Variants in SETD4 observed in about 807,000 individuals in gnomAD.
SETD4 encodes SET domain-containing protein 4.
SETD4 carries 46 observed loss-of-function variants against 58.3 expected under a neutral mutation model. The ratio of observed to expected loss-of-function variants is 0.79; its 90% CI spans 0.62 to 1.01. SETD4 has a LOEUF of 1.01. Among genes scored for constraint, SETD4 ranks in the 50% least tolerant of loss-of-function variants. The pLI is 0.00. For missense variants in SETD4, 490 were observed against 523.3 expected (o/e 0.94, Z 0.62); for synonymous variants, 190 against 202.6 (o/e 0.94, Z 0.53).
At chr21:36,053,653 C>G (rs367831332) in intron 3 of SETD4, 33 bp from the exon 4 acceptor site, 118 of 1,608,328 alleles carry the variant, frequency 7.3e-5, no homozygotes, top group Non-Finnish European at 9.8e-5. Flanking sequence ...AGAGTAAATC[C>G]TACCATAACT....
chr21:36,035,418 A>T lies in SETD4; in HGVS notation c.*575T>A, dbSNP rs1208848094. On this transcript the variant is annotated 3_prime_UTR_variant, in exon 12 of 12. Coordinates refer to ENST00000332131, the MANE Select transcript of SETD4 (RefSeq NM_017438.5). Reference sequence around the variant, plus strand: ...ACAAAGCAGAAAGAGCCGCTGGCTGAGCTAGTCATTCTTCCCAAGTGAATA... The same window carrying T: ...ACAAAGCAGAAAGAGCCGCTGGCTGTGCTAGTCATTCTTCCCAAGTGAATA... 1 of 152,628 alleles carries T rather than the reference A, an allele frequency of 6.6e-6. No individual in the cohort carries two copies. Among genetic ancestry groups the T allele is most frequent in the Non-Finnish European group, 1.5e-5 (1 of 68,346 alleles). The allele number at this position is 152,628 out of a possible 1,614,324, so 9.5% of individuals were successfully genotyped here. A position where few individuals can be genotyped will look rare whatever the true frequency, so the allele number is the denominator to read the frequency against.
In SETD4 at chr21:36,036,190, A is replaced by G; in HGVS notation, c.1250T>C (p.Leu417Ser). The G allele has an allele frequency of 6.2e-7, 1 of 1,613,826 alleles. No homozygotes were observed. The highest frequency in any genetic ancestry group is 8.5e-7 in the Non-Finnish European group (1 of 1,179,946). Residue 417 changes from leucine to serine, a missense_variant, in exon 11 of 12, where the codon TTG (leucine) becomes TCG (serine). By Grantham distance (145) the Leu-to-Ser change is moderately radical. Coordinates refer to ENST00000332131, the MANE Select transcript of SETD4 (RefSeq NM_017438.5). ...LINQLTLVESLWTEELKILRA... is the reference protein window; with the variant it reads ...LINQLTLVESSWTEELKILRA... The stretch of plus-strand genomic sequence containing the variant: ...GAGAATCTTTAGCTCTTCCGTCCAC[A>G]AGGATTCCACCAAAGTTAGTTGGTT...
In SETD4 at chr21:36,057,144, A is replaced by G; in HGVS notation, c.134T>C (p.Phe45Ser). Residue 45 changes from phenylalanine (F) to serine (S), a missense_variant, in exon 3 of 12, where the codon TTT becomes TCT. Transcript: ENST00000332131. ...AGCAGGCGCTAAGTTTGAATCTTGAAACTTCCTAGCTTTCAGCCACTTCCT... is the reference window on the plus strand; with the variant it reads ...AGCAGGCGCTAAGTTTGAATCTTGAGACTTCCTAGCTTTCAGCCACTTCCT... ...ELRKWLKARK[F>S]QDSNLAPACF... 1.2e-5 allele frequency: 20 copies of G among 1,614,176 alleles called. No individual in the cohort carries two copies. Among genetic ancestry groups the G allele is most frequent in the Non-Finnish European group, 1.6e-5 (19 of 1,180,032 alleles).
intron 3 of SETD4, 64 bp from the exon 4 acceptor site, chr21:36,053,684 A>T (rs912551868): frequency 1.3e-6 from 2 of 1,511,978 alleles, no homozygotes; most frequent in Admixed American, 1.7e-5. Context: ...AGAGATAACT[A>T]TTATGGAAAA....
chr21:36,041,720 GTC>G (rs1419330419), intron 8 of SETD4, 85 bp downstream of exon 8: 3 of 883,408 alleles, frequency 3.4e-6, no homozygotes, highest in Non-Finnish European at 5.3e-6. Flanking sequence ...GTCAGGAGGG[GTC>G]TCACCCCCAT....
intron 9 of SETD4, 142 bp downstream of exon 9, chr21:36,040,433 T>G: frequency 3.0e-6 from 2 of 676,444 alleles, no homozygotes; most frequent in Non-Finnish European, 5.3e-6. Flanking sequence ...AGTTACATAA[T>G]GAGAAAGCAA....
rs538387579 is a variant in SETD4 at position 36,054,634 on chromosome 21, A to G, written c.170-1014T>C. 6.1e-3 allele frequency among the ~76,000 whole-genome samples: 919 copies of G among 151,638 alleles called. 4 individuals are homozygous for G. Among genetic ancestry groups the G allele is most frequent in the Non-Finnish European group, 7.1e-3 (485 of 67,878 alleles). The stretch of plus-strand genomic sequence containing the variant: ...TCAAGTCCTCCATCGGTTTCCTGGC[A>G]GGTTGGATTTGATGCTCCTGGCTCA... On this transcript the variant is annotated intron_variant, in intron 3 of 11. Coordinates refer to ENST00000332131, the MANE Select transcript of SETD4 (RefSeq NM_017438.5).
In SETD4 at chr21:36,057,217, G is replaced by A. The variant is rs545270142; in HGVS notation, c.74-13C>T. The A allele has an allele frequency of 1.3e-6, 2 of 1,599,754 alleles. No individual in the cohort carries two copies. The highest frequency in any genetic ancestry group is 1.7e-6 in the Non-Finnish European group (2 of 1,166,820). On this transcript the variant is annotated splice_polypyrimidine_tract_variant and intron_variant, in intron 2 of 11. Coordinates refer to ENST00000332131, the MANE Select transcript of SETD4 (RefSeq NM_017438.5). ...TGGCTCTCATTCACTATCAGGCAAG[G>A]AGAGAACAAATGGTGATTAAAACCA...
At chr21:36,052,693 G>T (rs2064777263) in intron 4 of SETD4, among the ~76,000 whole-genome samples, 1 of 151,818 alleles carries the variant, frequency 6.6e-6, no homozygotes, top group African/African-American at 2.4e-5. Context: ...AATAAAGGAA[G>T]AAATTAATTT....
chr21:36,041,895 T>C lies in SETD4; in HGVS notation c.902-7A>G. The C allele has an allele frequency of 8.6e-7, 1 of 1,160,124 alleles. No homozygotes were observed. The highest frequency in any genetic ancestry group is 1.1e-6 in the Non-Finnish European group (1 of 881,846). 71.9% of individuals were successfully genotyped at this position (1,160,124 alleles called of 1,614,324 possible). A position where few individuals can be genotyped will look rare whatever the true frequency, so the allele number is the denominator to read the frequency against. On this transcript the variant is annotated splice_polypyrimidine_tract_variant and splice_region_variant and intron_variant, in intron 7 of 11. Transcript: ENST00000332131. Reference sequence around the variant, plus strand: ...AGATATTTAACAAGTATTTCTATATTCAAAAAAAAAAATCAGACTGTTAGG... The same window carrying C: ...AGATATTTAACAAGTATTTCTATATCCAAAAAAAAAAATCAGACTGTTAGG...
intron 10 of SETD4, among the ~76,000 whole-genome samples, chr21:36,036,904 G>A (rs764760532): frequency 2.6e-5 from 4 of 152,210 alleles, no homozygotes; most frequent in Non-Finnish European, 5.9e-5. Context: ...AGGACATGCT[G>A]TCACACGGCA....
intron 8 of SETD4, among the ~76,000 whole-genome samples, chr21:36,041,413 A>G (rs949659727): frequency 6.6e-6 from 1 of 151,976 alleles, no homozygotes; most frequent in African/African-American, 2.4e-5. Flanking sequence ...TTGGCATGGA[A>G]TCACCTCGCT....
intron 4 of SETD4, chr21:36,052,981 TG>T (rs1241886547): frequency 2.6e-5 from 4 of 152,446 alleles, no homozygotes. Context: ...TGATCTGACA[TG>T]TAACATGTGC....
intron 4 of SETD4, chr21:36,050,557 A>C: frequency 6.2e-7 from 1 of 1,613,682 alleles, no homozygotes; most frequent in Admixed American, 1.7e-5. Flanking sequence ...AACTGCGTTA[A>C]TAAGTTCTGG....
At chr21:36,046,189 C>CA (rs1305030067) in intron 5 of SETD4, among the ~76,000 whole-genome samples, 178 bp from the exon 6 acceptor site, 2 of 152,212 alleles carry the variant, frequency 1.3e-5, no homozygotes, top group African/African-American at 4.8e-5. Context: ...CAGGGGAGCA[C>CA]AGCCCCAGTG....
rs1264497401 is a variant in SETD4 at position 36,048,083 on chromosome 21, A to G, written c.296+225T>C. On this transcript the variant is annotated intron_variant, in intron 5 of 11. Transcript: ENST00000332131. The stretch of plus-strand genomic sequence containing the variant: ...AGGGAGGGAGGGAGGGAAGGAGGGA[A>G]GGAGGGAGGGAGGGAGGGAGGAAGG... Among the ~76,000 whole-genome samples, 8 of 58,988 alleles carry G rather than the reference A, an allele frequency of 1.4e-4. No homozygotes were observed. The South Asian group carries it at 3.5e-3, about 26-fold the overall frequency. The allele number at this position is 58,988 out of a possible 152,430, so 38.7% of individuals were successfully genotyped here.
chr21:36,051,162 A>G (rs1257759067), intron 4 of SETD4: 1 of 1,574,798 alleles, frequency 6.4e-7, no homozygotes, highest in East Asian at 2.2e-5. Context: ...CACCCAGCGT[A>G]TGTCCCTGCT....
chr21:36,060,099 C>G, intron 1 of SETD4: 1 of 985,654 alleles, frequency 1.0e-6, no homozygotes, highest in Non-Finnish European at 1.2e-6. Flanking sequence ...GCCAGGCGAG[C>G]ATCGGACCTC....
intron 9 of SETD4, among the ~76,000 whole-genome samples, chr21:36,039,354 C>A (rs1289774972): frequency 6.6e-6 from 1 of 152,136 alleles, no homozygotes; most frequent in Non-Finnish European, 1.5e-5. Flanking sequence ...TTCTCCACAC[C>A]CACTCAGTAA....
Sources: allele counts gnomAD v4.1 joint callset (sites outside exome capture counted in the v4.1 genomes callset), GRCh38; gene constraint gnomAD v4.1.1; transcripts MANE v1.5; gene names NCBI Gene and HGNC (gene_info 2026-07-23, HGNC 2026-07-21).